Variants in SCLY observed in about 807,000 individuals in gnomAD.
SCLY encodes selenocysteine lyase, also known as putative selenocysteine lyase.
In SCLY, 38 loss-of-function variants were observed where a neutral mutation model predicts 50.1. The observed-to-expected ratio is 0.76, with a 90% CI of 0.59 to 0.99. SCLY has a LOEUF of 0.99. SCLY is among the 50% of genes least tolerant of loss of function. SCLY has a pLI of 0.00. For synonymous variants in SCLY, 243 were observed against 249.4 expected (o/e 0.97, Z 0.24); for missense variants, 600 against 620.0 (o/e 0.97, Z 0.34).
intron 7 of SCLY, 104 bp from the exon 8 acceptor site, chr2:238,091,114 A>G: frequency 1.9e-6 from 2 of 1,073,516 alleles, no homozygotes. Flanking sequence ...CTTAGGAAAG[A>G]TGTAGCGTGA....
At chr2:238,070,667 C>A (rs2065119163) in intron 4 of SCLY, among the ~76,000 whole-genome samples, 1 of 152,022 alleles carries the variant, frequency 6.6e-6, no homozygotes. Context: ...CAGCAAGACT[C>A]CATCTCAGGG....
At chr2:238,094,707 C>T (rs986201266) in intron 10 of SCLY, 185 bp downstream of exon 10, 6 of 571,466 alleles carry the variant, frequency 1.0e-5, no homozygotes, top group Admixed American at 3.3e-5. Flanking sequence ...ACAGGGCTCT[C>T]GCCGCTGGCC....
intron 7 of SCLY, among the ~76,000 whole-genome samples, chr2:238,089,429 G>A (rs2065337650): frequency 1.3e-5 from 2 of 152,094 alleles, no homozygotes; most frequent in African/African-American, 2.4e-5. Context: ...TACAACCGCA[G>A]GAGACGCAAA....
At chr2:238,094,700 G>A (rs2065407502) in intron 10 of SCLY, 178 bp downstream of exon 10, 4 of 592,822 alleles carry the variant, frequency 6.7e-6, no homozygotes, top group Non-Finnish European at 1.2e-5. Context: ...GTGGTCCACA[G>A]GGCTCTCGCC....
At chr2:238,090,991 C>G (rs1303441947) in intron 7 of SCLY, among the ~76,000 whole-genome samples, 2 of 152,188 alleles carry the variant, frequency 1.3e-5, no homozygotes, top group African/African-American at 4.8e-5. Context: ...GAACACCCAA[C>G]ACATCACCCA....
At chr2:238,078,702 T>C (rs1459044658) in intron 4 of SCLY, 1 of 151,628 alleles carries the variant, frequency 6.6e-6, no homozygotes, top group African/African-American at 2.4e-5. Flanking sequence ...TCTTTTTTTT[T>C]TTTTTTTGGA....
chr2:238,069,242 T>C lies in SCLY; in HGVS notation c.304-55T>C. Reference sequence around the variant, plus strand: ...AATTAAGTAACAGAAATTGTTGCTCTGACCCTTACCTCAGCACAGTTTTTG... The same window carrying C: ...AATTAAGTAACAGAAATTGTTGCTCCGACCCTTACCTCAGCACAGTTTTTG... On this transcript the variant is annotated intron_variant, in intron 3 of 11. Transcript: ENST00000254663. This position sits in a 1 kb window ranked among gnomAD's most constrained non-coding sequence, Gnocchi z 5.0. The C allele has an allele frequency of 6.6e-7, 1 of 1,522,930 alleles. No individual in the cohort carries two copies. The highest frequency in any genetic ancestry group is 1.2e-5 in the South Asian group (1 of 82,384). 94.3% of individuals were successfully genotyped at this position (1,522,930 alleles called of 1,614,324 possible). A position where few individuals can be genotyped will look rare whatever the true frequency, so the allele number is the denominator to read the frequency against.
chr2:238,090,092 T>G (rs2065345564), intron 7 of SCLY, among the ~76,000 whole-genome samples: 1 of 151,964 alleles, frequency 6.6e-6, no homozygotes, highest in South Asian at 2.1e-4. Flanking sequence ...TATAAAAAAT[T>G]CAATCTGAAA....
chr2:238,088,200 G>C (rs2065320949), intron 7 of SCLY, among the ~76,000 whole-genome samples: 2 of 152,328 alleles, frequency 1.3e-5, no homozygotes, highest in Admixed American at 1.3e-4. Context: ...GGTAGCTCAT[G>C]CCTGCAATCC....
At position 238,061,134 on chromosome 2, in the gene SCLY, C is replaced by A; in HGVS notation, c.80C>A (p.Ser27Ter). The change falls in exon 1 of 12, where the codon TCG becomes TAG. Residue 27 changes from serine (S) to a stop codon, truncating the protein, a stop_gained. Coordinates refer to ENST00000254663, the MANE Select transcript of SCLY (RefSeq NM_016510.7). LOFTEE classifies it high-confidence loss of function. ...SQPSGCGKHN[S>*]PERKVYMDYN... is the part of the protein sequence containing the mutation. ...CCCAGCGGCTGCGGGAAACACAACT[C>A]GCCGGAGAGGTGCGCGCCTTTAGGG... is the stretch of plus-strand genomic sequence containing the variant. 1 of 1,478,072 alleles carries A rather than the reference C, an allele frequency of 6.8e-7. No homozygotes were observed. Among genetic ancestry groups the A allele is most frequent in the Non-Finnish European group, 8.9e-7 (1 of 1,119,874 alleles). The allele number at this position is 1,478,072 out of a possible 1,614,324, so 91.6% of individuals were successfully genotyped here.
chr2:238,076,212 C>T (rs2065172647), intron 4 of SCLY, among the ~76,000 whole-genome samples: 1 of 152,026 alleles, frequency 6.6e-6, no homozygotes, highest in South Asian at 2.1e-4. Flanking sequence ...GTGCCTCAAC[C>T]TCCCAAGTAA....
At chr2:238,080,447 C>T (rs995271037) in intron 4 of SCLY, 1 of 152,270 alleles carries the variant, frequency 6.6e-6, no homozygotes, top group Non-Finnish European at 1.5e-5. Context: ...GGCTCATCTC[C>T]AGTTCTCAAT....
intron 7 of SCLY, among the ~76,000 whole-genome samples, chr2:238,085,484 C>A (rs1478639542): frequency 6.6e-6 from 1 of 150,988 alleles, no homozygotes; most frequent in Admixed American, 6.6e-5. Context: ...TTTGGGAGGC[C>A]GAGGTGAGCG....
chr2:238,091,553 T>G, intron 8 of SCLY: 3 of 338,918 alleles, frequency 8.9e-6, no homozygotes, highest in Non-Finnish European at 1.1e-5. Context: ...GGTTCACCAT[T>G]CCCAAAGGCG....
Position 238,094,335 on chromosome 2 carries a change from G to A in SCLY, c.1006-85G>A, listed in dbSNP as rs2065402051. 4 of 1,144,890 alleles carry A rather than the reference G, an allele frequency of 3.5e-6. No individual in the cohort carries two copies. The East Asian group carries it at 9.4e-5, about 27-fold the overall frequency. 70.9% of individuals were successfully genotyped at this position (1,144,890 alleles called of 1,614,324 possible). A position where few individuals can be genotyped will look rare whatever the true frequency, so the allele number is the denominator to read the frequency against. ...AAAAGTATGCACCTGCTGAAGTTGTGTTTCTGGAAAAGTCTAAATTTCAAA... is the reference window on the plus strand; with the variant it reads ...AAAAGTATGCACCTGCTGAAGTTGTATTTCTGGAAAAGTCTAAATTTCAAA... On this transcript the variant is annotated intron_variant, in intron 9 of 11. Transcript: ENST00000254663.
At chr2:238,089,334 A>G (rs2065335859) in intron 7 of SCLY, among the ~76,000 whole-genome samples, 1 of 152,176 alleles carries the variant, frequency 6.6e-6, no homozygotes, top group South Asian at 2.1e-4. Flanking sequence ...CAAGCCTAAC[A>G]ATTTCTATCA....
chr2:238,065,653 A>ATTTTTTTT (rs2065061866), intron 2 of SCLY, among the ~76,000 whole-genome samples: 2 of 82,544 alleles, frequency 2.4e-5, no homozygotes, highest in African/African-American at 4.5e-5. Context: ...AACTAATAAT[A>ATTTTTTTT]TTTTATTTTA....
intron 2 of SCLY, among the ~76,000 whole-genome samples, chr2:238,065,751 T>G (rs537344440): frequency 2.6e-5 from 4 of 151,680 alleles, no homozygotes; most frequent in African/African-American, 7.3e-5. Context: ...CTCGGGTCAA[T>G]GCAACCTCCG....
At chr2:238,072,347 G>T (rs959334225) in intron 4 of SCLY, among the ~76,000 whole-genome samples, 2 of 152,166 alleles carry the variant, frequency 1.3e-5, no homozygotes, top group South Asian at 4.1e-4. Context: ...ACATTTGTGC[G>T]TATGTTTTAG....
Sources: gnomAD v4.1 joint callset for allele counts (sites outside exome capture counted in the v4.1 genomes callset) on GRCh38, gnomAD v4.1.1 for gene constraint, Gnocchi (gnomAD v3.1) non-coding constraint, MANE v1.5 for transcripts, NCBI Gene and HGNC (gene_info 2026-07-23, HGNC 2026-07-21) for gene names.